ACCSL: variants seen among roughly 807,000 people sequenced by gnomAD.
The protein encoded by ACCSL is 1-aminocyclopropane-1-carboxylate synthase homolog (inactive) like.
Under a neutral mutation model 61.7 loss-of-function variants are expected in ACCSL, and 55 were observed. The ratio of observed to expected loss-of-function variants is 0.89; its 90% confidence interval spans 0.72 to 1.12. ACCSL has a LOEUF of 1.12. Ranked by LOEUF, ACCSL falls within the 50% of genes most tolerant of loss-of-function variation. The pLI is 0.00. For missense variants in ACCSL, 632 were observed against 698.0 expected (o/e 0.91, Z 1.07); for synonymous variants, 258 against 264.3 (o/e 0.98, Z 0.23).
the ACCSL span, chr11:43,943,729 T>G: frequency 7.7e-7 from 1 of 1,304,426 alleles, no homozygotes; most frequent in Non-Finnish European, 1.0e-6. The surrounding 1 kb of genome is among the most constrained non-coding windows in gnomAD (Gnocchi z 4.8). Context: ...CCGTTGGGAC[T>G]TTGGGCGCAG....
chr11:43,971,284 C>CAA, the ACCSL span, among the ~76,000 whole-genome samples: 33,225 of 137,256 alleles, frequency 0.24, 4,099 homozygotes, highest in African/African-American at 0.3. Flanking sequence ...GACTCTGTCT[C>CAA]AAAAAAAAAA....
chr11:43,988,968 G>A, the ACCSL span, among the ~76,000 whole-genome samples: 3 of 151,948 alleles, frequency 2.0e-5, no homozygotes, highest in Admixed American at 1.3e-4. Flanking sequence ...GTCCTCACCC[G>A]CAGCCAAAAG....
At position 44,048,319 on chromosome 11, in the gene ACCSL, C is replaced by G. The variant is rs1952613319; in HGVS notation, c.283C>G (p.Pro95Ala). Reference protein sequence around the residue: ...GAASGLELQVPLPSEDSRGDV... With the variant: ...GAASGLELQVALPSEDSRGDV... ...CGCGAGTGGCCTGGAGCTCCAAGTG[C>G]CTCTTCCTTCTGAGGACTCTAGGGG... Residue 95 changes from proline (P) to alanine (A), a missense_variant, in exon 1 of 14, where the codon CCT becomes GCT. Pro to Ala is a conservative substitution (Grantham distance 27). Transcript: ENST00000378832. 1 of 1,614,026 alleles carries G rather than the reference C, an allele frequency of 6.2e-7. No homozygotes were observed. The highest frequency in any genetic ancestry group is 8.5e-7 in the Non-Finnish European group (1 of 1,179,964).
intron 6 of ACCSL, 105 bp downstream of exon 6, chr11:44,052,864 GGT>G (rs763920589): frequency 6.7e-5 from 97 of 1,451,554 alleles, no homozygotes; most frequent in Non-Finnish European, 9.4e-5. Context: ...TAAGTGGTTG[GGT>G]AGGGGTGGAG....
chr11:43,927,494 C>T, the ACCSL span, among the ~76,000 whole-genome samples: 2 of 152,226 alleles, frequency 1.3e-5, no homozygotes, highest in African/African-American at 4.8e-5. Context: ...TTTATGAATC[C>T]TCACAGCAGC....
chr11:44,019,835 C>A, the ACCSL span, among the ~76,000 whole-genome samples: 1 of 152,314 alleles, frequency 6.6e-6, no homozygotes, highest in South Asian at 2.1e-4. Context: ...AATCCAAGCT[C>A]ACGAAAATCT....
At chr11:43,954,481 C>A in the ACCSL span, among the ~76,000 whole-genome samples, 3 of 152,086 alleles carry the variant, frequency 2.0e-5, no homozygotes, top group African/African-American at 7.2e-5. Flanking sequence ...CCAGGTGTGC[C>A]ATTTGCATAG....
chr11:44,042,191 G>A, the ACCSL span, among the ~76,000 whole-genome samples: 76 of 152,118 alleles, frequency 5.0e-4, no homozygotes, highest in African/African-American at 1.8e-3. Context: ...ATAAAGTATG[G>A]GGTTTTTCTT....
chr11:44,036,454 C>T, the ACCSL span, among the ~76,000 whole-genome samples: 4 of 152,216 alleles, frequency 2.6e-5, no homozygotes, highest in South Asian at 2.1e-4. Context: ...TTGGGAGGCC[C>T]GTTATATGGA....
the ACCSL span, among the ~76,000 whole-genome samples, chr11:43,930,807 T>TCACACA: frequency 6.6e-6 from 1 of 151,820 alleles, no homozygotes; most frequent in Non-Finnish European, 1.5e-5. Flanking sequence ...AAAAAAGTTT[T>TCACACA]CACACACACA....
rs1952685524 is a variant in ACCSL at position 44,058,450 on chromosome 11, C to T, written c.1461C>T (p.Asn487=). ...NRSSGLYVWI[N]LKKYLDPCTF... ...GCTCTGGCCTCTATGTCTGGATCAACTTGAAAAAGGTGTGTTCTGGGAATG... is the reference window on the plus strand; with the variant it reads ...GCTCTGGCCTCTATGTCTGGATCAATTTGAAAAAGGTGTGTTCTGGGAATG... Residue 487 remains asparagine (N), a synonymous_variant, in exon 12 of 14, where the codon AAC becomes AAT. Coordinates refer to ENST00000378832, the MANE Select transcript of ACCSL (RefSeq NM_001031854.2). The T allele has an allele frequency of 6.2e-7, 1 of 1,614,164 alleles. No homozygotes were observed. Among genetic ancestry groups the T allele is most frequent in the Non-Finnish European group, 8.5e-7 (1 of 1,180,022 alleles).
At chr11:43,968,354 A>G in the ACCSL span, among the ~76,000 whole-genome samples, 15 of 144,208 alleles carry the variant, frequency 1.0e-4, no homozygotes, top group East Asian at 3.0e-3. Context: ...CCACACCCAC[A>G]CAGCCCTTTG....
intron 9 of ACCSL, 40 bp downstream of exon 9, chr11:44,055,331 A>G (rs1367237983): frequency 1.3e-6 from 2 of 1,519,710 alleles, no homozygotes; most frequent in East Asian, 2.3e-5. Context: ...GAGAACCACA[A>G]GGTTCTTGTT....
chr11:44,036,060 C>T, the ACCSL span, among the ~76,000 whole-genome samples: 16 of 152,184 alleles, frequency 1.1e-4, no homozygotes, highest in Admixed American at 1.0e-3. Context: ...AAAAACAGTC[C>T]CTGCAATGTA....
At chr11:43,957,202 C>A in the ACCSL span, among the ~76,000 whole-genome samples, 2 of 151,634 alleles carry the variant, frequency 1.3e-5, no homozygotes, top group Non-Finnish European at 2.9e-5. Flanking sequence ...TACAGCTTGG[C>A]TTTATACATT....
At chr11:44,020,960 A>C in the ACCSL span, among the ~76,000 whole-genome samples, 3 of 152,090 alleles carry the variant, frequency 2.0e-5, no homozygotes, top group East Asian at 5.8e-4. Flanking sequence ...CCATTATTTC[A>C]TTCCTTTTTA....
the ACCSL span, chr11:43,943,898 T>A: frequency 1.7e-6 from 2 of 1,209,334 alleles, no homozygotes; most frequent in Non-Finnish European, 2.1e-6. This position sits in a 1 kb window ranked among gnomAD's most constrained non-coding sequence, Gnocchi z 4.8. Context: ...TCCAGGCTCT[T>A]GACTTTTTGC....
At chr11:44,032,266 T>C in the ACCSL span, among the ~76,000 whole-genome samples, 1 of 152,152 alleles carries the variant, frequency 6.6e-6, no homozygotes, top group Non-Finnish European at 1.5e-5. Flanking sequence ...CTACATGTCC[T>C]CTCGTCACTC....
At chr11:43,966,761 C>T in the ACCSL span, among the ~76,000 whole-genome samples, 2 of 151,932 alleles carry the variant, frequency 1.3e-5, no homozygotes, top group Non-Finnish European at 2.9e-5. Context: ...CTTTTTTGGC[C>T]TGGCTACTCA....
Sources: gnomAD v4.1 joint callset for allele counts (sites outside exome capture counted in the v4.1 genomes callset) on GRCh38, gnomAD v4.1.1 for gene constraint, Gnocchi (gnomAD v3.1) non-coding constraint, MANE v1.5 for transcripts, NCBI Gene and HGNC (gene_info 2026-07-23, HGNC 2026-07-21) for gene names.